The following CEBPB variants were observed in gnomAD, a reference collection of about 807,000 sequenced individuals.
CEBPB encodes CCAAT enhancer binding protein beta, also known as CCAAT/enhancer-binding protein beta.
For missense variants in CEBPB, 498 were observed against 533.1 expected (o/e 0.93, Z 0.65); for synonymous variants, 295 against 267.1 (o/e 1.10, Z -1.02).
rs962886579 is a variant in CEBPB, at chr20:50,191,193, C to T, written c.160C>T (p.Pro54Ser). The change falls in exon 1 of 1, where the codon CCC becomes TCC. Residue 54 changes from proline to serine, a missense_variant. Pro to Ser is a moderately conservative substitution (Grantham distance 74, BLOSUM62 -1). Coordinates refer to ENST00000303004, the MANE Select transcript of CEBPB (RefSeq NM_005194.4). Reference sequence around the variant, plus strand: ...CCCCGCGGCGCCCCCCGCGGCCAGACCCGGGCCGCGCCCCCCCGCCGGCGA... The same window carrying T: ...CCCCGCGGCGCCCCCCGCGGCCAGATCCGGGCCGCGCCCCCCCGCCGGCGA... The part of the protein sequence containing the change: ...AAPAAPPAAR[P>S]GPRPPAGELG... 3.7e-6 allele frequency: 5 copies of T among 1,344,494 alleles called. No individual in the cohort carries two copies. Among genetic ancestry groups the T allele is most frequent in the African/African-American group, 1.5e-5 (1 of 64,740 alleles). 83.3% of individuals were successfully genotyped at this position (1,344,494 alleles called of 1,614,324 possible).
Position 50,191,457 on chromosome 20 carries a change from C to T in CEBPB, c.424C>T (p.Leu142=), listed in dbSNP as rs758473916. 1 of 1,501,118 alleles carries T rather than the reference C, an allele frequency of 6.7e-7. No individual in the cohort carries two copies. The highest frequency in any genetic ancestry group is 1.2e-5 in the South Asian group (1 of 81,284). 93.0% of individuals were successfully genotyped at this position (1,501,118 alleles called of 1,614,324 possible). A position where few individuals can be genotyped will look rare whatever the true frequency, so the allele number is the denominator to read the frequency against. Residue 142 remains leucine, a synonymous_variant, in exon 1 of 1, where the codon CTG becomes TTG. Coordinates refer to ENST00000303004, the MANE Select transcript of CEBPB (RefSeq NM_005194.4). ...GCCGGCCGAGTACGGCTACGTGAGC[C>T]TGGGGCGCCTGGGGGCCGCCAAGGG... ...KKPAEYGYVS[L]GRLGAAKGAL...
Position 50,191,301 on chromosome 20 carries a change from C to G in CEBPB, c.268C>G (p.Pro90Ala). The change falls in exon 1 of 1, where the codon CCC (proline) becomes GCC (alanine). Residue 90 changes from proline (P) to alanine (A), a missense_variant. Physicochemically the swap from Pro to Ala is conservative, Grantham distance 27. Coordinates refer to ENST00000303004, the MANE Select transcript of CEBPB (RefSeq NM_005194.4). ...EPLGAPQAPA[P>A]ATATDTFEAA... ...GCTGGGCGCGCCGCAGGCCCCGGCG[C>G]CCGCCACGGCCACGGACACCTTCGA... The G allele has an allele frequency of 7.5e-7, 1 of 1,333,202 alleles. No individual in the cohort carries two copies. The highest frequency in any genetic ancestry group is 9.6e-7 in the Non-Finnish European group (1 of 1,037,152). The allele number at this position is 1,333,202 out of a possible 1,614,324, so 82.6% of individuals were successfully genotyped here.
Position 50,191,995 on chromosome 20 carries a change from C to T in CEBPB, c.962C>T (p.Ser321Leu). The change falls in exon 1 of 1, where the codon TCG becomes TTG. Residue 321 changes from serine to leucine, a missense_variant. Physicochemically the swap from Ser to Leu is moderately radical, Grantham distance 145. Transcript: ENST00000303004. ...ERLQKKVEQL[S>L]RELSTLRNLF... Reference sequence around the variant, plus strand: ...CTGCAGAAGAAGGTGGAGCAGCTGTCGCGCGAGCTCAGCACCCTGCGGAAC... The same window carrying T: ...CTGCAGAAGAAGGTGGAGCAGCTGTTGCGCGAGCTCAGCACCCTGCGGAAC... 6.2e-7 allele frequency: 1 copy of T among 1,609,796 alleles called. No homozygotes were observed.
rs2081575290 is a variant in CEBPB at position 50,191,342 on chromosome 20, G to GCCCGCC, written c.315_320dup (p.Pro108_Ala109dup). 1 of 1,446,036 alleles carries GCCCGCC rather than the reference G, an allele frequency of 6.9e-7. No individual in the cohort carries two copies. The highest frequency in any genetic ancestry group is 9.2e-7 in the Non-Finnish European group (1 of 1,092,734). The allele number at this position is 1,446,036 out of a possible 1,614,324, so 89.6% of individuals were successfully genotyped here. On this transcript the variant is annotated inframe_insertion, in exon 1 of 1. Coordinates refer to ENST00000303004, the MANE Select transcript of CEBPB (RefSeq NM_005194.4). The stretch of plus-strand genomic sequence containing the variant: ...ACACCTTCGAGGCGGCTCCGCCCGC[G>GCCCGCC]CCCGCCCCCGCGCCCGCCTCCTCCG...
chr20:50,190,938 C>T lies in CEBPB; in HGVS notation c.-96C>T. ...CCGGCAGCGGCGGCAGCAGCAGCAG[C>T]GACGCAGCGGCGACAGCTCAGAGCA... On this transcript the variant is annotated 5_prime_UTR_variant, in exon 1 of 1. Transcript: ENST00000303004. 7.6e-7 allele frequency: 1 copy of T among 1,322,364 alleles called. No individual in the cohort carries two copies. Among genetic ancestry groups the T allele is most frequent in the Non-Finnish European group, 9.6e-7 (1 of 1,041,654 alleles). 81.9% of individuals were successfully genotyped at this position (1,322,364 alleles called of 1,614,324 possible). A position where few individuals can be genotyped will look rare whatever the true frequency, so the allele number is the denominator to read the frequency against.
At chr20:50,190,697 C>T (rs986088488), upstream of CEBPB, 6 of 195,360 alleles carry the variant, frequency 3.1e-5, no homozygotes, top group Non-Finnish European at 6.2e-5. Flanking sequence ...TGCGCCCTGC[C>T]GCCGTCCTCC....
rs1348029400 is a variant in CEBPB at position 50,191,436 on chromosome 20, G to A, written c.403G>A (p.Ala135Thr). Residue 135 changes from alanine (A) to threonine (T), a missense_variant, in exon 1 of 1, where the codon GCC (alanine) becomes ACC (threonine). Ala to Thr is a moderately conservative substitution (Grantham distance 58, BLOSUM62 0). Transcript: ENST00000303004. ...DYGGKNCKKP[A>T]EYGYVSLGRL... ...CGGGGGCAAGAACTGCAAGAAGCCG[G>A]CCGAGTACGGCTACGTGAGCCTGGG... The A allele has an allele frequency of 6.6e-7, 1 of 1,520,966 alleles. No individual in the cohort carries two copies. The highest frequency in any genetic ancestry group is 8.8e-7 in the Non-Finnish European group (1 of 1,132,332). The allele number at this position is 1,520,966 out of a possible 1,614,324, so 94.2% of individuals were successfully genotyped here.
In CEBPB at chr20:50,192,170, C is replaced by T. The variant is rs2081583954; in HGVS notation, c.*99C>T. The T allele has an allele frequency of 9.7e-7, 1 of 1,030,510 alleles. No individual in the cohort carries two copies. Among genetic ancestry groups the T allele is most frequent in the African/African-American group, 1.7e-5 (1 of 58,782 alleles). 63.8% of individuals were successfully genotyped at this position (1,030,510 alleles called of 1,614,324 possible). On this transcript the variant is annotated 3_prime_UTR_variant, in exon 1 of 1. Coordinates refer to ENST00000303004, the MANE Select transcript of CEBPB (RefSeq NM_005194.4). ...CCCGCCCCCGGCGGCGCCGGCAAAA[C>T]TTTGGCACTGGGGCACTTGGCAGCG... is the stretch of plus-strand genomic sequence containing the variant.
chr20:50,191,015 TC>T lies in CEBPB; in HGVS notation c.-15del, dbSNP rs1426771731. 1 of 1,501,494 alleles carries T rather than the reference TC, an allele frequency of 6.7e-7. No individual in the cohort carries two copies. Among genetic ancestry groups the T allele is most frequent in the Non-Finnish European group, 8.8e-7 (1 of 1,132,028 alleles). 93.0% of individuals were successfully genotyped at this position (1,501,494 alleles called of 1,614,324 possible). The stretch of plus-strand genomic sequence containing the variant: ...CCGGAGCGGGCAGCCCCAGGCCCCC[TC>T]CCCGGGCACCCGCGTTCATGCAACG... On this transcript the variant is annotated 5_prime_UTR_variant, in exon 1 of 1. Coordinates refer to ENST00000303004, the MANE Select transcript of CEBPB (RefSeq NM_005194.4).
Position 50,190,840 on chromosome 20 carries a change from A to G in CEBPB, c.-194A>G. 1 of 525,060 alleles carries G rather than the reference A, an allele frequency of 1.9e-6. No individual in the cohort carries two copies. The highest frequency in any genetic ancestry group is 5.0e-5 in the South Asian group (1 of 19,930). 32.5% of individuals were successfully genotyped at this position (525,060 alleles called of 1,614,324 possible). On this transcript the variant is annotated 5_prime_UTR_variant, in exon 1 of 1. Coordinates refer to ENST00000303004, the MANE Select transcript of CEBPB (RefSeq NM_005194.4). ...CTCAGGAGAAACTTTAGCGAGTCAG[A>G]GCCGCGCACGGGACTGGGAAGGGGA...
rs1170311066 is a variant in CEBPB, at chr20:50,191,269, T to G, written c.236T>G (p.Leu79Arg). ...CGCGCCATCGACTTCAGCCCGTACC[T>G]GGAGCCGCTGGGCGCGCCGCAGGCC... ...HERAIDFSPY[L>R]EPLGAPQAPA... The change falls in exon 1 of 1, where the codon CTG becomes CGG. Residue 79 changes from leucine (L) to arginine (R), a missense_variant. By Grantham distance (102) the Leu-to-Arg change is moderately radical. Transcript: ENST00000303004. 1.2e-5 allele frequency: 16 copies of G among 1,280,510 alleles called. No individual in the cohort carries two copies. Among genetic ancestry groups the G allele is most frequent in the Non-Finnish European group, 1.6e-5 (16 of 1,013,140 alleles). The allele number at this position is 1,280,510 out of a possible 1,614,324, so 79.3% of individuals were successfully genotyped here.
rs760354287 is a variant in CEBPB at position 50,191,416 on chromosome 20, G to A, written c.383G>A (p.Gly128Asp). The A allele has an allele frequency of 6.6e-6, 10 of 1,522,098 alleles. No individual in the cohort carries two copies. Among genetic ancestry groups the A allele is most frequent in the Admixed American group, 3.9e-5 (2 of 51,186 alleles). The allele number at this position is 1,522,098 out of a possible 1,614,324, so 94.3% of individuals were successfully genotyped here. A position where few individuals can be genotyped will look rare whatever the true frequency, so the allele number is the denominator to read the frequency against. Residue 128 changes from glycine to aspartate, a missense_variant, in exon 1 of 1, where the codon GGC becomes GAC. Coordinates refer to ENST00000303004, the MANE Select transcript of CEBPB (RefSeq NM_005194.4). ...LSDLFSDDYG[G>D]KNCKKPAEYG... Reference sequence around the variant, plus strand: ...GACCTCTTCTCCGACGACTACGGGGGCAAGAACTGCAAGAAGCCGGCCGAG... The same window carrying A: ...GACCTCTTCTCCGACGACTACGGGGACAAGAACTGCAAGAAGCCGGCCGAG...
Position 50,191,321 on chromosome 20 carries a change from C to A in CEBPB, c.288C>A (p.Thr96=). The change falls in exon 1 of 1, where the codon ACC becomes ACA. Residue 96 remains threonine, a synonymous_variant. Coordinates refer to ENST00000303004, the MANE Select transcript of CEBPB (RefSeq NM_005194.4). ...QAPAPATATD[T]FEAAPPAPAP... ...CGGCGCCCGCCACGGCCACGGACAC[C>A]TTCGAGGCGGCTCCGCCCGCGCCCG... 1 of 1,436,478 alleles carries A rather than the reference C, an allele frequency of 7.0e-7. No individual in the cohort carries two copies. The highest frequency in any genetic ancestry group is 9.2e-7 in the Non-Finnish European group (1 of 1,088,296). The allele number at this position is 1,436,478 out of a possible 1,614,324, so 89.0% of individuals were successfully genotyped here. A position where few individuals can be genotyped will look rare whatever the true frequency, so the allele number is the denominator to read the frequency against.
Position 50,191,591 on chromosome 20 carries a change from G to T in CEBPB, c.558G>T (p.Arg186=). 1.5e-6 allele frequency: 2 copies of T among 1,349,206 alleles called. No homozygotes were observed. The highest frequency in any genetic ancestry group is 9.4e-7 in the Non-Finnish European group (1 of 1,059,152). The allele number at this position is 1,349,206 out of a possible 1,614,324, so 83.6% of individuals were successfully genotyped here. The part of the protein sequence containing the change: ...EPGFEPADCK[R]KEEAGAPGGG... Reference sequence around the variant, plus strand: ...GCTTCGAGCCCGCGGACTGCAAGCGGAAGGAGGAGGCCGGGGCGCCGGGCG... The same window carrying T: ...GCTTCGAGCCCGCGGACTGCAAGCGTAAGGAGGAGGCCGGGGCGCCGGGCG... Residue 186 remains arginine (R), a synonymous_variant, in exon 1 of 1, where the codon CGG becomes CGT. Coordinates refer to ENST00000303004, the MANE Select transcript of CEBPB (RefSeq NM_005194.4).
In CEBPB at chr20:50,190,920, C is replaced by T. The variant is rs562446410; in HGVS notation, c.-114C>T. The T allele has an allele frequency of 8.5e-5, 109 of 1,281,268 alleles. No homozygotes were observed. The African/African-American group carries it at 1.6e-3, about 18-fold the overall frequency. The allele number at this position is 1,281,268 out of a possible 1,614,324, so 79.4% of individuals were successfully genotyped here. A position where few individuals can be genotyped will look rare whatever the true frequency, so the allele number is the denominator to read the frequency against. On this transcript the variant is annotated 5_prime_UTR_variant, in exon 1 of 1. Coordinates refer to ENST00000303004, the MANE Select transcript of CEBPB (RefSeq NM_005194.4). ...TCACTAATAGCGGCCACCCCGGCAG[C>T]GGCGGCAGCAGCAGCAGCGACGCAG...
In CEBPB at chr20:50,190,999, G is replaced by A. The variant is rs771243566; in HGVS notation, c.-35G>A. ...GCCACCTGCGGGCCGGCCGGAGCGG[G>A]CAGCCCCAGGCCCCCTCCCCGGGCA... is the stretch of plus-strand genomic sequence containing the variant. On this transcript the variant is annotated 5_prime_UTR_variant, in exon 1 of 1. Coordinates refer to ENST00000303004, the MANE Select transcript of CEBPB (RefSeq NM_005194.4). 2.7e-6 allele frequency: 4 copies of A among 1,456,738 alleles called. No individual in the cohort carries two copies. The South Asian group carries it at 3.9e-5, about 14-fold the overall frequency. 90.2% of individuals were successfully genotyped at this position (1,456,738 alleles called of 1,614,324 possible).
chr20:50,191,902 A>G lies in CEBPB; in HGVS notation c.869A>G (p.Asp290Gly), dbSNP rs1198850318. The change falls in exon 1 of 1, where the codon GAC becomes GGC. Residue 290 changes from aspartate to glycine, a missense_variant. Transcript: ENST00000303004. ...RNNIAVRKSR[D>G]KAKMRNLETQ... The stretch of plus-strand genomic sequence containing the variant: ...AACATCGCCGTGCGCAAGAGCCGCG[A>G]CAAGGCCAAGATGCGCAACCTGGAG... 6.2e-7 allele frequency: 1 copy of G among 1,612,940 alleles called. No homozygotes were observed. The highest frequency in any genetic ancestry group is 1.7e-5 in the Admixed American group (1 of 59,914).
In CEBPB at chr20:50,191,604, G is replaced by C. The variant is rs1352138512; in HGVS notation, c.571G>C (p.Gly191Arg). The C allele has an allele frequency of 3.0e-6, 4 of 1,346,456 alleles. No homozygotes were observed. The East Asian group carries it at 9.5e-5, about 32-fold the overall frequency. 83.4% of individuals were successfully genotyped at this position (1,346,456 alleles called of 1,614,324 possible). A position where few individuals can be genotyped will look rare whatever the true frequency, so the allele number is the denominator to read the frequency against. The change falls in exon 1 of 1, where the codon GGG becomes CGG. Residue 191 changes from glycine to arginine, a missense_variant. By Grantham distance (125) the Gly-to-Arg change is moderately radical. Coordinates refer to ENST00000303004, the MANE Select transcript of CEBPB (RefSeq NM_005194.4). ...PADCKRKEEA[G>R]APGGGAGMAA... ...GGACTGCAAGCGGAAGGAGGAGGCC[G>C]GGGCGCCGGGCGGCGGCGCAGGCAT...
rs544783264 is a variant in CEBPB at position 50,191,699 on chromosome 20, G to A, written c.666G>A (p.Gly222=). 132 of 1,475,558 alleles carry A rather than the reference G, an allele frequency of 8.9e-5. No homozygotes were observed. The highest frequency in any genetic ancestry group is 4.6e-4 in the Middle Eastern group (2 of 4,364). The allele number at this position is 1,475,558 out of a possible 1,614,324, so 91.4% of individuals were successfully genotyped here. A position where few individuals can be genotyped will look rare whatever the true frequency, so the allele number is the denominator to read the frequency against. The change falls in exon 1 of 1, where the codon GGG becomes GGA. Residue 222 remains glycine, a synonymous_variant. Coordinates refer to ENST00000303004, the MANE Select transcript of CEBPB (RefSeq NM_005194.4). ...AGGCGGTGCCGAGCGGCAGCAGCGG[G>A]AGCCTCTCCACGTCCTCCTCGTCCA... ...GYQAVPSGSS[G]SLSTSSSSSP... is the part of the protein sequence containing the mutation.
Sources: gnomAD v4.1 joint callset for allele counts on GRCh38, gnomAD v4.1.1 for gene constraint, MANE v1.5 for transcripts, NCBI Gene and HGNC (gene_info 2026-07-23, HGNC 2026-07-21) for gene names.